Variants in MINDY4 observed in about 807,000 individuals in gnomAD.
The protein encoded by MINDY4 is MINDY lysine 48 deubiquitinase 4.
In MINDY4, 68 loss-of-function variants were observed where a neutral mutation model predicts 87.0. The ratio of observed to expected loss-of-function variants is 0.78; its 90% CI spans 0.64 to 0.96. The LOEUF is 0.96. Ranked by LOEUF, MINDY4 falls within the 40% of genes least tolerant of loss-of-function variation. The probability of loss-of-function intolerance (pLI) is 0.00; values close to 1 mark genes in which losing one functional copy is unlikely to be tolerated. For synonymous variants in MINDY4, 379 were observed against 363.2 expected (o/e 1.04, Z -0.50); for missense variants, 919 against 928.2 (o/e 0.99, Z 0.13).
intron 15 of MINDY4, among the ~76,000 whole-genome samples, chr7:30,881,171 T>C (rs1448742545): frequency 6.6e-6 from 1 of 151,940 alleles, no homozygotes; most frequent in African/African-American, 2.4e-5. Flanking sequence ...GGGCCCAGGG[T>C]CAGGAGAGGC....
chr7:30,840,960 A>G, intron 9 of MINDY4, 112 bp downstream of exon 9: 3 of 918,240 alleles, frequency 3.3e-6, no homozygotes, highest in Non-Finnish European at 1.7e-6. Flanking sequence ...TGTCTTCTGC[A>G]GGTCAAGAAA....
chr7:30,891,467 C>T (rs1363444055), intron 17 of MINDY4, among the ~76,000 whole-genome samples: 1 of 152,242 alleles, frequency 6.6e-6, no homozygotes, highest in Non-Finnish European at 1.5e-5. Flanking sequence ...CATTCACTAC[C>T]TTTCTGTGGC....
At chr7:30,798,444 A>T (rs186616344) in intron 5 of MINDY4, among the ~76,000 whole-genome samples, 2 of 152,202 alleles carry the variant, frequency 1.3e-5, no homozygotes, top group African/African-American at 4.8e-5. Context: ...TGGGAGAAGC[A>T]GGTTTAGGTC....
At chr7:30,822,525 A>T (rs1287633731) in intron 5 of MINDY4, among the ~76,000 whole-genome samples, 1 of 152,156 alleles carries the variant, frequency 6.6e-6, no homozygotes, top group African/African-American at 2.4e-5. Context: ...CCATAATCAA[A>T]TCTTTCTCAA....
At chr7:30,791,870 A>G in intron 5 of MINDY4, among the ~76,000 whole-genome samples, 1 of 152,154 alleles carries the variant, frequency 6.6e-6, no homozygotes, top group East Asian at 1.9e-4. Context: ...TATACTAACA[A>G]TAGTTGATGA....
chr7:30,827,149 G>A (rs1788539388), intron 5 of MINDY4, among the ~76,000 whole-genome samples: 1 of 152,174 alleles, frequency 6.6e-6, no homozygotes, highest in Admixed American at 6.5e-5. Flanking sequence ...AGATGTTATT[G>A]GATGCAGGAT....
At chr7:30,822,452 T>C (rs977241888) in intron 5 of MINDY4, among the ~76,000 whole-genome samples, 3 of 152,164 alleles carry the variant, frequency 2.0e-5, no homozygotes, top group African/African-American at 7.2e-5. Context: ...ATTACAGGTG[T>C]GAACTACTGT....
chr7:30,778,627 A>G (rs564668475), intron 2 of MINDY4, 76 bp downstream of exon 2: 1 of 1,559,588 alleles, frequency 6.4e-7, no homozygotes, highest in Non-Finnish European at 8.8e-7. Flanking sequence ...GGGCCCTGCC[A>G]GTGACAGGAG....
chr7:30,773,253 C>G (rs1422995280), intron 1 of MINDY4, among the ~76,000 whole-genome samples: 1 of 152,202 alleles, frequency 6.6e-6, no homozygotes, highest in African/African-American at 2.4e-5. Context: ...TGCCAGGTAC[C>G]TAGAAGGTGC....
chr7:30,868,005 CAG>C lies in MINDY4; in HGVS notation c.1746-4237_1746-4236del, dbSNP rs1170192853. Among the ~76,000 whole-genome samples, 8 of 152,348 alleles carry C rather than the reference CAG, an allele frequency of 5.3e-5. No homozygotes were observed. The East Asian group carries it at 9.6e-4, about 18-fold the overall frequency. On this transcript the variant is annotated intron_variant, in intron 13 of 17. Coordinates refer to ENST00000265299, the MANE Select transcript of MINDY4 (RefSeq NM_032222.3). ...ACATGCCTGAGGTCACTCACCCAGTCAGGGGCCGAGTGGACGCTGGTGTTAGG... is the reference window on the plus strand; with the variant it reads ...ACATGCCTGAGGTCACTCACCCAGTCGGGCCGAGTGGACGCTGGTGTTAGG...
Position 30,771,473 on chromosome 7 carries a change from G to A in MINDY4, c.-21G>A. The A allele has an allele frequency of 6.3e-7, 1 of 1,597,898 alleles. No homozygotes were observed. The highest frequency in any genetic ancestry group is 8.5e-7 in the Non-Finnish European group (1 of 1,173,860). ...GCTGCGGCCCGGCGTGGGCCTCGTG[G>A]GCAGAGCCAGAGCCAGAGCCATGGA... On this transcript the variant is annotated 5_prime_UTR_variant, in exon 1 of 18. Coordinates refer to ENST00000265299, the MANE Select transcript of MINDY4 (RefSeq NM_032222.3).
In MINDY4 at chr7:30,877,445, G is replaced by A. The variant is rs73301966; in HGVS notation, c.1971+1789G>A. Reference sequence around the variant, plus strand: ...CCCTCCTCGTGGGCTTCTTGGATCCGCATAGACCCTCTGCTGTTCTGTGCT... The same window carrying A: ...CCCTCCTCGTGGGCTTCTTGGATCCACATAGACCCTCTGCTGTTCTGTGCT... On this transcript the variant is annotated intron_variant, in intron 15 of 17. Coordinates refer to ENST00000265299, the MANE Select transcript of MINDY4 (RefSeq NM_032222.3). Among the ~76,000 whole-genome samples the A allele has an allele frequency of 2.0e-5, 3 of 152,294 alleles. No individual in the cohort carries two copies. The East Asian group carries it at 5.8e-4, about 29-fold the overall frequency.
chr7:30,875,640 A>G lies in MINDY4; in HGVS notation c.1955A>G (p.His652Arg). 1.9e-6 allele frequency: 3 copies of G among 1,610,236 alleles called. No individual in the cohort carries two copies. Among genetic ancestry groups the G allele is most frequent in the African/African-American group, 1.3e-5 (1 of 74,926 alleles). The change falls in exon 15 of 18, where the codon CAT (histidine) becomes CGT (arginine). Residue 652 changes from histidine to arginine, a missense_variant. Transcript: ENST00000265299. ...ATTGGCTTCTTATCTCTCTTTGAGC[A>G]TTACAACATGTGCCAGGTACCCAGA... ...SDIGFLSLFE[H>R]YNMCQVGCFL...
At chr7:30,872,871 A>C (rs1175948294) in intron 14 of MINDY4, among the ~76,000 whole-genome samples, 1 of 151,802 alleles carries the variant, frequency 6.6e-6, no homozygotes, top group Non-Finnish European at 1.5e-5. Context: ...CCTAGTGAGC[A>C]TCAAAACTGG....
chr7:30,805,825 A>G (rs922812148), intron 5 of MINDY4, among the ~76,000 whole-genome samples: 1 of 152,168 alleles, frequency 6.6e-6, no homozygotes, highest in African/African-American at 2.4e-5. Context: ...TCAAGAAAGA[A>G]GAAGGTTAAG....
chr7:30,804,517 C>T (rs185831233), intron 5 of MINDY4, among the ~76,000 whole-genome samples: 4 of 152,058 alleles, frequency 2.6e-5, no homozygotes, highest in East Asian at 1.9e-4. Context: ...TGAGACATCC[C>T]GACAAATATG....
At chr7:30,811,430 C>T (rs1787994665) in intron 5 of MINDY4, among the ~76,000 whole-genome samples, 1 of 152,200 alleles carries the variant, frequency 6.6e-6, no homozygotes, top group Non-Finnish European at 1.5e-5. Context: ...CTATATCAGT[C>T]ACTACCGATC....
intron 9 of MINDY4, among the ~76,000 whole-genome samples, chr7:30,847,128 A>G (rs1440539389): frequency 2.0e-5 from 3 of 152,230 alleles, no homozygotes; most frequent in East Asian, 3.8e-4. Flanking sequence ...AGGGAGGGCA[A>G]CGGTTTTACC....
chr7:30,824,465 G>A (rs148394781), intron 5 of MINDY4, among the ~76,000 whole-genome samples: 1 of 152,202 alleles, frequency 6.6e-6, no homozygotes, highest in African/African-American at 2.4e-5. Context: ...TCAAACCATA[G>A]CAGTAAGTGA....
Sources: gnomAD v4.1 joint callset for allele counts (sites outside exome capture counted in the v4.1 genomes callset) on GRCh38, gnomAD v4.1.1 for gene constraint, MANE v1.5 for transcripts, NCBI Gene and HGNC (gene_info 2026-07-23, HGNC 2026-07-21) for gene names.